GLRX3: variants seen among roughly 807,000 people sequenced by gnomAD.
GLRX3 encodes glutaredoxin-3.
A neutral mutation model predicts 49.5 loss-of-function variants in GLRX3; 22 were observed. The observed-to-expected ratio is 0.44, with a 90% CI of 0.32 to 0.63. The LOEUF (loss-of-function observed/expected upper bound fraction) is 0.63. Among genes scored for constraint, GLRX3 ranks in the 30% least tolerant of loss-of-function variants. The pLI, the probability that GLRX3 is intolerant of heterozygous loss-of-function variation, is 0.05. For missense variants in GLRX3, 385 were observed against 396.3 expected, an observed-to-expected ratio of 0.97 and a Z score of 0.24; for synonymous variants, 133 against 140.0, an observed-to-expected ratio of 0.95 and a Z score of 0.35.
chr10:130,176,052 CTT>C (rs1862910820), intron 10 of GLRX3, among the ~76,000 whole-genome samples: 2 of 151,634 alleles, frequency 1.3e-5, no homozygotes, highest in African/African-American at 4.8e-5. Flanking sequence ...AGATCTTCGA[CTT>C]TTTATGTGGA....
At chr10:130,142,354 G>A (rs1862191150) in intron 1 of GLRX3, among the ~76,000 whole-genome samples, 1 of 152,038 alleles carries the variant, frequency 6.6e-6, no homozygotes. Context: ...CCATTTATTT[G>A]TAGCCTTACC....
intron 2 of GLRX3, among the ~76,000 whole-genome samples, chr10:130,156,796 A>C (rs1201967259): frequency 6.6e-6 from 1 of 152,172 alleles, no homozygotes; most frequent in African/African-American, 2.4e-5. Flanking sequence ...GACTGGTCCC[A>C]AGGTTTGGAT....
intron 3 of GLRX3, 131 bp downstream of exon 3, chr10:130,160,200 C>A: frequency 1.6e-6 from 1 of 629,330 alleles, no homozygotes; most frequent in Non-Finnish European, 2.9e-6. Context: ...CACCTTTCTT[C>A]TGATAGTCTC....
chr10:130,154,802 C>T (rs1185944255), intron 2 of GLRX3, among the ~76,000 whole-genome samples: 3 of 152,008 alleles, frequency 2.0e-5, no homozygotes, highest in Non-Finnish European at 2.9e-5. Context: ...ACTGAGGATA[C>T]AGAACATTAA....
chr10:130,136,875 C>T (rs1862064667), intron 1 of GLRX3, among the ~76,000 whole-genome samples: 1 of 152,018 alleles, frequency 6.6e-6, no homozygotes, highest in Admixed American at 6.5e-5. Context: ...GCCGCAGTGG[C>T]GGGGCGGGGG....
chr10:130,173,265 T>C (rs1485746817), intron 8 of GLRX3, among the ~76,000 whole-genome samples: 1 of 152,156 alleles, frequency 6.6e-6, no homozygotes, highest in Non-Finnish European at 1.5e-5. Context: ...TTCTGTCCCA[T>C]ATCTGTCTAA....
At chr10:130,170,989 G>A (rs540497774) in intron 7 of GLRX3, among the ~76,000 whole-genome samples, 49 of 152,162 alleles carry the variant, frequency 3.2e-4, no homozygotes, top group African/African-American at 1.1e-3. Context: ...TTTGCTGGGC[G>A]TGGTGGCGCA....
chr10:130,154,009 T>A (rs1254297231), intron 2 of GLRX3, among the ~76,000 whole-genome samples: 5 of 152,152 alleles, frequency 3.3e-5, no homozygotes, highest in African/African-American at 1.2e-4. Flanking sequence ...TACTCAAGCC[T>A]CAGCAATGGC....
chr10:130,140,743 T>C (rs957742644), intron 1 of GLRX3, among the ~76,000 whole-genome samples: 12 of 151,396 alleles, frequency 7.9e-5, no homozygotes, highest in Non-Finnish European at 1.5e-4. Context: ...TTTTGAAAAA[T>C]GTAGTTATAT....
intron 10 of GLRX3, among the ~76,000 whole-genome samples, chr10:130,177,898 T>C (rs1862953986): frequency 6.6e-6 from 1 of 152,250 alleles, no homozygotes; most frequent in Non-Finnish European, 1.5e-5. Flanking sequence ...TATATCATAC[T>C]AAATGTTTCT....
chr10:130,162,260 G>A (rs1448445153), intron 4 of GLRX3, among the ~76,000 whole-genome samples: 1 of 152,212 alleles, frequency 6.6e-6, no homozygotes, highest in African/African-American at 2.4e-5. Context: ...TGGGATTATA[G>A]GCGTGAGCCA....
chr10:130,151,128 G>T (rs909949718), intron 2 of GLRX3, among the ~76,000 whole-genome samples: 1 of 151,914 alleles, frequency 6.6e-6, no homozygotes, highest in Non-Finnish European at 1.5e-5. Flanking sequence ...GGGTTTCACC[G>T]TGTTGGCCAG....
At chr10:130,161,163 A>G (rs1385308001) in intron 4 of GLRX3, among the ~76,000 whole-genome samples, 166 bp downstream of exon 4, 1 of 152,210 alleles carries the variant, frequency 6.6e-6, no homozygotes, top group East Asian at 1.9e-4. Flanking sequence ...ATGACACTAT[A>G]TAAGAATTAG....
chr10:130,150,440 G>A (rs1862353814), intron 2 of GLRX3, among the ~76,000 whole-genome samples: 1 of 151,992 alleles, frequency 6.6e-6, no homozygotes, highest in Non-Finnish European at 1.5e-5. Flanking sequence ...CTAGCTGGTT[G>A]GTGAGATTTT....
At chr10:130,176,997 T>C (rs539607396) in intron 10 of GLRX3, among the ~76,000 whole-genome samples, 5 of 152,292 alleles carry the variant, frequency 3.3e-5, no homozygotes, top group South Asian at 2.1e-4. Context: ...CAGAGTGTTA[T>C]ATGATTTTTT....
intron 1 of GLRX3, among the ~76,000 whole-genome samples, chr10:130,142,925 C>T (rs908140554): frequency 5.3e-5 from 8 of 152,216 alleles, no homozygotes; most frequent in Non-Finnish European, 7.3e-5. Context: ...CCTCGGGTCT[C>T]CTCTGTGTCC....
At position 130,174,852 on chromosome 10, in the gene GLRX3, T is replaced by G; in HGVS notation, c.825-15T>G. 6.6e-7 allele frequency: 1 copy of G among 1,523,380 alleles called. No homozygotes were observed. Among genetic ancestry groups the G allele is most frequent in the South Asian group, 1.1e-5 (1 of 88,846 alleles). 94.4% of individuals were successfully genotyped at this position (1,523,380 alleles called of 1,614,324 possible). ...TAACTGTATTTCCAGTTAAAATGTC[T>G]TCTCTTTTTTGCAGTGTTGAATATG... On this transcript the variant is annotated splice_polypyrimidine_tract_variant and intron_variant, in intron 8 of 10. Coordinates refer to ENST00000331244, the MANE Select transcript of GLRX3 (RefSeq NM_006541.5).
Position 130,160,901 on chromosome 10 carries a change from C to T in GLRX3, c.382C>T (p.His128Tyr), listed in dbSNP as rs758391778. 2 of 1,612,840 alleles carry T rather than the reference C, an allele frequency of 1.2e-6. No homozygotes were observed. Among genetic ancestry groups the T allele is most frequent in the Non-Finnish European group, 8.5e-7 (1 of 1,178,824 alleles). Residue 128 changes from histidine to tyrosine, a missense_variant, in exon 4 of 11, where the codon CAT becomes TAT. His to Tyr is a moderately conservative substitution (Grantham distance 83). Around this residue, in one of 2 missense-constraint regions of GLRX3, gnomAD observed 374 missense variants for 358.6 expected, o/e 1.04. Transcript: ENST00000331244. ...SGSFLPSANE[H>Y]LKEDLNLRLK... ...CTCCTTCCTACCCAGCGCTAATGAACATCTTAAAGAAGATCTCAACCTTCG... is the reference window on the plus strand; with the variant it reads ...CTCCTTCCTACCCAGCGCTAATGAATATCTTAAAGAAGATCTCAACCTTCG...
At chr10:130,175,187 C>A in intron 10 of GLRX3, 98 bp downstream of exon 10, 1 of 739,566 alleles carries the variant, frequency 1.4e-6, no homozygotes, top group Non-Finnish European at 2.4e-6. Flanking sequence ...TTGTTTTTGA[C>A]TCCTGTTTCC....
Sources: gnomAD v4.1 joint callset for allele counts (sites outside exome capture counted in the v4.1 genomes callset) on GRCh38, gnomAD v4.1.1 for gene constraint, gnomAD v4.1.1 regional missense constraint, MANE v1.5 for transcripts, NCBI Gene and HGNC (gene_info 2026-07-23, HGNC 2026-07-21) for gene names.